TRPC4: variants seen among roughly 807,000 people sequenced by gnomAD.
TRPC4 encodes short transient receptor potential channel 4.
In TRPC4, 49 loss-of-function variants were observed where a neutral mutation model predicts 99.4. That is an observed-to-expected ratio of 0.49 (90% confidence interval 0.39 to 0.63). TRPC4 has a LOEUF of 0.63. Among genes scored for constraint, TRPC4 ranks in the 20% least tolerant of loss-of-function variants. The pLI, the probability that TRPC4 is intolerant of heterozygous loss-of-function variation, is 0.00. For missense variants in TRPC4, 898 were observed against 1,152.9 expected (o/e 0.78, Z 3.20); for synonymous variants, 454 against 425.9 (o/e 1.07, Z -0.81).
At chr13:37,759,046 A>G (rs1031535209) in intron 2 of TRPC4, among the ~76,000 whole-genome samples, 1 of 151,694 alleles carries the variant, frequency 6.6e-6, no homozygotes, top group African/African-American at 2.4e-5. Context: ...ATGGCTAAAA[A>G]ATTATAAAAT....
intron 2 of TRPC4, among the ~76,000 whole-genome samples, chr13:37,767,448 T>A (rs1956408695): frequency 6.6e-6 from 1 of 151,270 alleles, no homozygotes; most frequent in African/African-American, 2.4e-5. Flanking sequence ...TTGTATAGAA[T>A]ATTGCAATCT....
chr13:37,795,976 A>G (rs1163814975), intron 1 of TRPC4, among the ~76,000 whole-genome samples: 1 of 152,162 alleles, frequency 6.6e-6, no homozygotes, highest in African/African-American at 2.4e-5. Context: ...AATATTAGCA[A>G]TGAAAATGCT....
intron 3 of TRPC4, among the ~76,000 whole-genome samples, chr13:37,696,337 C>G (rs1194714466): frequency 6.6e-6 from 1 of 152,022 alleles, no homozygotes; most frequent in Non-Finnish European, 1.5e-5. Flanking sequence ...ACCATATCAA[C>G]TATCTAGAAA....
At chr13:37,688,701 T>C (rs1363695711) in intron 4 of TRPC4, among the ~76,000 whole-genome samples, 1 of 152,108 alleles carries the variant, frequency 6.6e-6, no homozygotes, top group Non-Finnish European at 1.5e-5. Flanking sequence ...AATAAAAAAG[T>C]ATTACTTTAT....
intron 1 of TRPC4, among the ~76,000 whole-genome samples, chr13:37,785,019 ATTAC>A (rs748247803): frequency 2.0e-5 from 3 of 152,066 alleles, no homozygotes; most frequent in Non-Finnish European, 4.4e-5. Flanking sequence ...AGACGTGCAA[ATTAC>A]TTACTTGCTT....
At chr13:37,693,783 A>G (rs1436835866) in intron 3 of TRPC4, among the ~76,000 whole-genome samples, 1 of 152,178 alleles carries the variant, frequency 6.6e-6, no homozygotes, top group Admixed American at 6.5e-5. Context: ...CTACTCATCA[A>G]TATATATAGT....
At chr13:37,762,093 A>C (rs1956238006) in intron 2 of TRPC4, among the ~76,000 whole-genome samples, 1 of 151,876 alleles carries the variant, frequency 6.6e-6, no homozygotes, top group Non-Finnish European at 1.5e-5. Flanking sequence ...AGGATGAATC[A>C]CTAAAGGAAC....
chr13:37,830,326 AT>A (rs1958382865), intron 1 of TRPC4, among the ~76,000 whole-genome samples: 2 of 152,186 alleles, frequency 1.3e-5, no homozygotes, highest in South Asian at 4.1e-4. Context: ...ATAGGAAAAA[AT>A]AAATAAAACA....
At chr13:37,852,066 G>A (rs1233820904) in intron 1 of TRPC4, among the ~76,000 whole-genome samples, 1 of 152,170 alleles carries the variant, frequency 6.6e-6, no homozygotes, top group Non-Finnish European at 1.5e-5. Context: ...AGTCTAGAAT[G>A]CAAGGACTAC....
intron 1 of TRPC4, among the ~76,000 whole-genome samples, chr13:37,827,120 C>G (rs1297799516): frequency 6.6e-6 from 1 of 152,040 alleles, no homozygotes; most frequent in African/African-American, 2.4e-5. Flanking sequence ...GTTTTCAGCT[C>G]CATCACCTCC....
intron 1 of TRPC4, among the ~76,000 whole-genome samples, chr13:37,801,150 A>T (rs1323312246): frequency 6.6e-6 from 1 of 152,168 alleles, no homozygotes; most frequent in East Asian, 1.9e-4. Flanking sequence ...AAATGTGAAC[A>T]TATTTTATTG....
At chr13:37,678,363 G>A (rs759118463) in intron 4 of TRPC4, among the ~76,000 whole-genome samples, 5 of 151,822 alleles carry the variant, frequency 3.3e-5, no homozygotes, top group Admixed American at 6.6e-5. Context: ...TTGATAAAAC[G>A]CTAGCCAGAA....
At position 37,682,834 on chromosome 13, in the gene TRPC4, C is replaced by G. The variant is rs574697180; in HGVS notation, c.1235-8467G>C. On this transcript the variant is annotated intron_variant, in intron 4 of 10. Transcript: ENST00000379705. ...GGTGCATTATATCTCACTGCATCCTCAAACTCCTGAGCTCATGCAATGCTC... is the reference window on the plus strand; with the variant it reads ...GGTGCATTATATCTCACTGCATCCTGAAACTCCTGAGCTCATGCAATGCTC... Among the ~76,000 whole-genome samples the G allele has an allele frequency of 2.0e-5, 3 of 151,918 alleles. No individual in the cohort carries two copies. In the South Asian group the frequency reaches 6.2e-4, roughly 32 times the overall value.
chr13:37,831,546 A>G (rs1415919417), intron 1 of TRPC4, among the ~76,000 whole-genome samples: 2 of 152,218 alleles, frequency 1.3e-5, no homozygotes, highest in Admixed American at 1.3e-4. Context: ...ACTCAAAGGA[A>G]CTGAAATCAG....
Position 37,731,936 on chromosome 13 carries a change from T to C in TRPC4, c.897+14001A>G, listed in dbSNP as rs554786157. Among the ~76,000 whole-genome samples, 14 of 152,244 alleles carry C rather than the reference T, an allele frequency of 9.2e-5. No individual in the cohort carries two copies. In the East Asian group the frequency reaches 2.7e-3, roughly 29 times the overall value. On this transcript the variant is annotated intron_variant, in intron 3 of 10. Coordinates refer to ENST00000379705, the MANE Select transcript of TRPC4 (RefSeq NM_016179.4). ...ACAAAAATTATATGTGAAGCTTTGT[T>C]ATTTTTTCCTCACCAATGGTCAAGT...
chr13:37,702,053 A>G (rs1312892715), intron 3 of TRPC4, among the ~76,000 whole-genome samples: 1 of 152,134 alleles, frequency 6.6e-6, no homozygotes, highest in Admixed American at 6.6e-5. Flanking sequence ...CCTTGACTTT[A>G]GCAACCTTCT....
At chr13:37,745,470 A>ATG (rs1955731095) in intron 3 of TRPC4, among the ~76,000 whole-genome samples, 1 of 1,836 alleles carries the variant, frequency 5.4e-4, no homozygotes, top group Admixed American at 0.012. Flanking sequence ...ATATATATAT[A>ATG]TATACACACA....
intron 3 of TRPC4, among the ~76,000 whole-genome samples, chr13:37,715,114 G>T (rs1220062566): frequency 6.6e-6 from 1 of 152,128 alleles, no homozygotes; most frequent in Non-Finnish European, 1.5e-5. Context: ...GGAGTTTCAT[G>T]GTCTAAAGAG....
chr13:37,864,702 A>C (rs149288951), intron 1 of TRPC4, among the ~76,000 whole-genome samples: 149 of 151,760 alleles, frequency 9.8e-4, no homozygotes, highest in African/African-American at 3.4e-3. Flanking sequence ...TGCAAGACAG[A>C]ATATAACAAG....
Sources: allele counts gnomAD v4.1 joint callset (sites outside exome capture counted in the v4.1 genomes callset), GRCh38; gene constraint gnomAD v4.1.1; transcripts MANE v1.5; gene names NCBI Gene and HGNC (gene_info 2026-07-23, HGNC 2026-07-21).